The following ZNF567 variants were observed in gnomAD, a reference collection of about 807,000 sequenced individuals.
The protein encoded by ZNF567 is zinc finger protein 567.
Under a neutral mutation model 53.9 loss-of-function variants are expected in ZNF567, and 36 were observed. That is an observed-to-expected ratio of 0.67 (90% CI 0.51 to 0.88). The LOEUF is 0.88. ZNF567 is among the 40% of genes least tolerant of loss of function. The probability of loss-of-function intolerance (pLI) is 0.00; values close to 1 mark genes in which losing one functional copy is unlikely to be tolerated. For synonymous variants in ZNF567, 224 were observed against 260.4 expected (o/e 0.86, Z 1.35); for missense variants, 619 against 764.7 (o/e 0.81, Z 2.25).
At chr19:36,674,165 A>G in the ZNF567 span, among the ~76,000 whole-genome samples, 7 of 152,178 alleles carry the variant, frequency 4.6e-5, no homozygotes, top group African/African-American at 1.7e-4. Flanking sequence ...GTTCATTTTT[A>G]TAATTACTTC....
Position 36,720,248 on chromosome 19 carries a change from T to C in ZNF567, c.1524T>C (p.Asn508=), listed in dbSNP as rs772716169. ...THTGEKPYEC[N]ECGKSFSQKT... ...CAGGAGAGAAACCATATGAATGTAA[T>C]GAATGTGGTAAATCATTCAGTCAAA... The change falls in exon 6 of 6, where the codon AAT becomes AAC. Residue 508 remains asparagine, a synonymous_variant. Coordinates refer to ENST00000682579, the MANE Select transcript of ZNF567 (RefSeq NM_001322917.1). 1.2e-6 allele frequency: 2 copies of C among 1,614,108 alleles called. No individual in the cohort carries two copies.
chr19:36,704,656 G>T (rs2039399688), intron 3 of ZNF567, among the ~76,000 whole-genome samples: 1 of 151,976 alleles, frequency 6.6e-6, no homozygotes, highest in Admixed American at 6.6e-5. Flanking sequence ...TCTTGTCTGT[G>T]GTTCATAATG....
chr19:36,727,001 T>TCTTA (rs1436168243), downstream of ZNF567: 1 of 91,636 alleles, frequency 1.1e-5, no homozygotes. Flanking sequence ...TTTCTTTCTT[T>TCTTA]CTTTCTTTCC....
the ZNF567 span, among the ~76,000 whole-genome samples, chr19:36,679,806 G>C: frequency 6.6e-6 from 1 of 152,136 alleles, no homozygotes; most frequent in Non-Finnish European, 1.5e-5. Context: ...GTAGGAGGGT[G>C]GTTACCAAAG....
chr19:36,674,030 G>C, the ZNF567 span, among the ~76,000 whole-genome samples: 1 of 151,986 alleles, frequency 6.6e-6, no homozygotes, highest in Non-Finnish European at 1.5e-5. Context: ...CAACTAATTT[G>C]GAATGAAAAT....
At chr19:36,701,042 T>C (rs1407926863) in intron 3 of ZNF567, among the ~76,000 whole-genome samples, 1 of 152,116 alleles carries the variant, frequency 6.6e-6, no homozygotes, top group East Asian at 1.9e-4. Flanking sequence ...TCTTTCCTGC[T>C]TTCTCTTGTG....
rs2040273502 is a variant in ZNF567, at chr19:36,720,745, A to T, written c.*77A>T. ...TTTAAAAAGAAAAGCATGCTGAAAC[A>T]TGTTAATGTAATTTTAAATCACAAG... On this transcript the variant is annotated 3_prime_UTR_variant, in exon 6 of 6. Transcript: ENST00000682579. The T allele has an allele frequency of 7.8e-7, 1 of 1,289,140 alleles. No homozygotes were observed. Among genetic ancestry groups the T allele is most frequent in the South Asian group, 1.8e-5 (1 of 56,174 alleles). The allele number at this position is 1,289,140 out of a possible 1,614,324, so 79.9% of individuals were successfully genotyped here. A position where few individuals can be genotyped will look rare whatever the true frequency, so the allele number is the denominator to read the frequency against.
Position 36,720,548 on chromosome 19 carries a change from G to C in ZNF567, c.1824G>C (p.Gln608His), listed in dbSNP as rs1207702163. 1 of 1,614,088 alleles carries C rather than the reference G, an allele frequency of 6.2e-7. No homozygotes were observed. Among genetic ancestry groups the C allele is most frequent in the Non-Finnish European group, 8.5e-7 (1 of 1,180,020 alleles). Residue 608 changes from glutamine to histidine, a missense_variant, in exon 6 of 6, where the codon CAG (glutamine) becomes CAC (histidine). Gln to His is a conservative substitution (Grantham distance 24, BLOSUM62 0). Coordinates refer to ENST00000682579, the MANE Select transcript of ZNF567 (RefSeq NM_001322917.1). Reference sequence around the variant, plus strand: ...AGAAGACAAATCTTATTGTACATCAGAGAACTCACACAGGTGAGAAACCCT... The same window carrying C: ...AGAAGACAAATCTTATTGTACATCACAGAACTCACACAGGTGAGAAACCCT... ...FRQKTNLIVH[Q>H]RTHTGEKPYV...
intron 5 of ZNF567, among the ~76,000 whole-genome samples, chr19:36,714,820 C>T (rs934952797): frequency 2.0e-5 from 3 of 152,170 alleles, no homozygotes; most frequent in African/African-American, 7.2e-5. Context: ...TTCTTTACCA[C>T]TGTGGCCATA....
At chr19:36,669,976 C>T in the ZNF567 span, among the ~76,000 whole-genome samples, 3 of 152,112 alleles carry the variant, frequency 2.0e-5, no homozygotes, top group African/African-American at 4.8e-5. Flanking sequence ...AGACAGTTAC[C>T]CTGTAACAGA....
rs1345533865 is a variant in ZNF567, at chr19:36,720,372, G to A, written c.1648G>A (p.Val550Ile). 1 of 1,614,058 alleles carries A rather than the reference G, an allele frequency of 6.2e-7. No individual in the cohort carries two copies. Among genetic ancestry groups the A allele is most frequent in the Non-Finnish European group, 8.5e-7 (1 of 1,180,036 alleles). ...KSFRQKATLTVHQKIHTGQKS... is the reference protein window; with the variant it reads ...KSFRQKATLTIHQKIHTGQKS... ...CTTTCGCCAGAAAGCAACCCTCACT[G>A]TACATCAGAAAATACATACCGGCCA... The change falls in exon 6 of 6, where the codon GTA becomes ATA. Residue 550 changes from valine to isoleucine, a missense_variant. Val to Ile is a conservative substitution (Grantham distance 29). Transcript: ENST00000682579.
chr19:36,720,329 T>C lies in ZNF567; in HGVS notation c.1605T>C (p.Cys535=). Residue 535 remains cysteine (C), a synonymous_variant, in exon 6 of 6, where the codon TGT becomes TGC. Coordinates refer to ENST00000682579, the MANE Select transcript of ZNF567 (RefSeq NM_001322917.1). ...ATACAGGGGAGAAACCCTATGTTTG[T>C]AATGAATGTGGGAAGTCCTTTCGCC... The part of the protein sequence containing the change: ...RIHTGEKPYV[C]NECGKSFRQK... 1 of 1,614,204 alleles carries C rather than the reference T, an allele frequency of 6.2e-7. No homozygotes were observed. Among genetic ancestry groups the C allele is most frequent in the Non-Finnish European group, 8.5e-7 (1 of 1,180,034 alleles).
chr19:36,668,106 A>ATTTTAT, the ZNF567 span: 1 of 151,866 alleles, frequency 6.6e-6, no homozygotes, highest in Non-Finnish European at 1.5e-5. Flanking sequence ...AAAACGATTT[A>ATTTTAT]TTTTATTTTT....
intron 3 of ZNF567, among the ~76,000 whole-genome samples, chr19:36,696,047 C>A (rs2038869089): frequency 6.6e-6 from 1 of 152,198 alleles, no homozygotes; most frequent in Admixed American, 6.6e-5. Context: ...TTCTAAAAAT[C>A]TGTGGCCTTC....
At chr19:36,667,798 C>T in the ZNF567 span, among the ~76,000 whole-genome samples, 3 of 151,624 alleles carry the variant, frequency 2.0e-5, no homozygotes, top group Admixed American at 1.3e-4. Context: ...TACAGGCGCC[C>T]GCCACCTCGC....
intron 2 of ZNF567, among the ~76,000 whole-genome samples, chr19:36,690,139 T>G (rs957316552): frequency 1.3e-5 from 2 of 152,184 alleles, no homozygotes; most frequent in Non-Finnish European, 2.9e-5. Context: ...ATTAGAAAAC[T>G]CAGGGTTGTT....
chr19:36,695,486 G>A (rs933102695), intron 3 of ZNF567, among the ~76,000 whole-genome samples: 6 of 151,996 alleles, frequency 3.9e-5, no homozygotes, highest in African/African-American at 1.2e-4. Context: ...TGAAGATTAC[G>A]CTGCTGCACT....
At chr19:36,725,079 C>T (rs1256843559), downstream of ZNF567, among the ~76,000 whole-genome samples, 1 of 152,152 alleles carries the variant, frequency 6.6e-6, no homozygotes, top group African/African-American at 2.4e-5. Context: ...TGAAAAATGT[C>T]ACTTCTTTCT....
chr19:36,724,828 A>T (rs1252737296), downstream of ZNF567, among the ~76,000 whole-genome samples: 2 of 151,858 alleles, frequency 1.3e-5, no homozygotes, highest in African/African-American at 4.8e-5. Flanking sequence ...AGCCTGAGTG[A>T]CAGAGTAAGA....
Sources: gnomAD v4.1 joint callset for allele counts (sites outside exome capture counted in the v4.1 genomes callset) on GRCh38, gnomAD v4.1.1 for gene constraint, MANE v1.5 for transcripts, NCBI Gene and HGNC (gene_info 2026-07-23, HGNC 2026-07-21) for gene names.